Variants in FAM117A observed in about 807,000 individuals in gnomAD.
FAM117A encodes the protein protein FAM117A.
In FAM117A, 21 loss-of-function variants were observed where a neutral mutation model predicts 44.1. That is an observed-to-expected ratio of 0.48 (90% CI 0.34 to 0.69). The LOEUF is 0.69. Ranked by LOEUF, FAM117A falls within the 30% of genes least tolerant of loss-of-function variation. The pLI is 0.01. For missense variants in FAM117A, 498 were observed against 589.9 expected (o/e 0.84, Z 1.61); for synonymous variants, 220 against 238.3 (o/e 0.92, Z 0.71).
At chr17:49,742,233 C>A (rs2073637423) in intron 1 of FAM117A, among the ~76,000 whole-genome samples, 1 of 152,104 alleles carries the variant, frequency 6.6e-6, no homozygotes, top group Non-Finnish European at 1.5e-5. Context: ...TAAGTGAGAG[C>A]CACTGAAAGC....
intron 7 of FAM117A, among the ~76,000 whole-genome samples, chr17:49,713,428 C>CTT (rs1368041690): frequency 6.6e-6 from 1 of 152,178 alleles, no homozygotes; most frequent in Non-Finnish European, 1.5e-5. Context: ...CACCAATCAC[C>CTT]TTTTTCTTTT....
upstream of FAM117A, chr17:49,764,133 GCCCCCCAA>G: frequency 1.0e-6 from 1 of 1,002,790 alleles, no homozygotes; most frequent in Non-Finnish European, 1.3e-6. Context: ...GACTCACACA[GCCCCCCAA>G]CCCCCGAGGC....
rs116657589 is a variant in FAM117A, at chr17:49,719,768, G to A, written c.700C>T (p.Leu234=). The A allele has an allele frequency of 3.2e-6, 5 of 1,583,088 alleles. No homozygotes were observed. The East Asian group carries it at 1.2e-4, about 37-fold the overall frequency. ...VFVKEQGEEE[L]LRILDIPDGH... Reference sequence around the variant, plus strand: ...GTGCAGCCGCCACTCACCCTCAGCAGCTCCTCTTCTCCCTGCTCCTTCACA... The same window carrying A: ...GTGCAGCCGCCACTCACCCTCAGCAACTCCTCTTCTCCCTGCTCCTTCACA... Residue 234 remains leucine, a synonymous_variant, in exon 5 of 8, where the codon CTG becomes TTG. Transcript: ENST00000240364.
chr17:49,764,429 A>G (rs2073738044), upstream of FAM117A, among the ~76,000 whole-genome samples: 2 of 152,046 alleles, frequency 1.3e-5, no homozygotes, highest in Admixed American at 1.3e-4. Context: ...GGGGAGCGTC[A>G]CACCCAGTCC....
chr17:49,736,240 C>T (rs183705985), intron 1 of FAM117A, among the ~76,000 whole-genome samples: 45 of 151,906 alleles, frequency 3.0e-4, no homozygotes, highest in African/African-American at 9.2e-4. Flanking sequence ...CTAGGTTAAA[C>T]CTCTTCAAAG....
At chr17:49,719,698 C>G in intron 5 of FAM117A, 62 bp downstream of exon 5, 1 of 1,479,922 alleles carries the variant, frequency 6.8e-7, no homozygotes, top group Non-Finnish European at 8.9e-7. Context: ...CTCCCAGTTC[C>G]CCTCGCCCAG....
At chr17:49,768,129 A>G (rs1015987791), upstream of FAM117A, among the ~76,000 whole-genome samples, 15 of 152,110 alleles carry the variant, frequency 9.9e-5, no homozygotes, top group East Asian at 7.7e-4. Flanking sequence ...AGCAGTCCCT[A>G]TGAGGTTTCA....
chr17:49,717,779 C>G, intron 5 of FAM117A, 65 bp from the exon 6 acceptor site: 1 of 1,341,958 alleles, frequency 7.5e-7, no homozygotes, highest in Non-Finnish European at 1.0e-6. Context: ...AGCACAGTGA[C>G]CCCAAGGGTA....
chr17:49,778,464 T>C (rs2073780975), intron 1 of FAM117A, among the ~76,000 whole-genome samples: 2 of 152,372 alleles, frequency 1.3e-5, no homozygotes, highest in Non-Finnish European at 2.9e-5. Context: ...TGGATCATGA[T>C]TTCAGCCTCT....
At chr17:49,768,692 G>C (rs536857562), upstream of FAM117A, among the ~76,000 whole-genome samples, 3 of 152,238 alleles carry the variant, frequency 2.0e-5, no homozygotes, top group East Asian at 3.9e-4. Flanking sequence ...AAGGAGGGTT[G>C]AGGGAATGAA....
rs1209407289 is a variant in FAM117A at position 49,744,774 on chromosome 17, G to A, written c.197-12054C>T. Among the ~76,000 whole-genome samples, 4 of 151,684 alleles carry A rather than the reference G, an allele frequency of 2.6e-5. No individual in the cohort carries two copies. In the East Asian group the frequency reaches 7.8e-4, roughly 30 times the overall value. On this transcript the variant is annotated intron_variant, in intron 1 of 7. Coordinates refer to ENST00000240364, the MANE Select transcript of FAM117A (RefSeq NM_030802.4). ...CACACCTGTCATCCCAGCACTTTGGGAGACTGGGGCAGGAGGATCACTTGA... is the reference window on the plus strand; with the variant it reads ...CACACCTGTCATCCCAGCACTTTGGAAGACTGGGGCAGGAGGATCACTTGA...
At chr17:49,733,006 TA>T in intron 1 of FAM117A, 1 of 342,614 alleles carries the variant, frequency 2.9e-6, no homozygotes, top group Non-Finnish European at 5.5e-6. Context: ...CCTAATGGAC[TA>T]TGAACCGTGA....
chr17:49,785,318 T>G (rs2073802442), intron 1 of FAM117A, among the ~76,000 whole-genome samples: 1 of 152,116 alleles, frequency 6.6e-6, no homozygotes, highest in Non-Finnish European at 1.5e-5. Context: ...TCGAGACTAG[T>G]CTGGGCAATG....
At chr17:49,784,436 T>TA (rs2073799282) in intron 1 of FAM117A, among the ~76,000 whole-genome samples, 1 of 152,258 alleles carries the variant, frequency 6.6e-6, no homozygotes, top group African/African-American at 2.4e-5. Context: ...CTCCTCTGCT[T>TA]AAGGACTTTC....
intron 1 of FAM117A, chr17:49,747,210 C>T (rs2073657529): frequency 6.6e-6 from 1 of 151,954 alleles, no homozygotes; most frequent in Non-Finnish European, 1.5e-5. Context: ...GTGTTGTGGG[C>T]TCCCAGATGA....
chr17:49,722,433 T>TTGCATG, intron 3 of FAM117A, 66 bp downstream of exon 3: 5 of 1,311,696 alleles, frequency 3.8e-6, no homozygotes, highest in Non-Finnish European at 5.4e-6. Context: ...AGCAGATGCA[T>TTGCATG]TGCATGGTAC....
chr17:49,775,986 T>C (rs2073774566), intron 1 of FAM117A, among the ~76,000 whole-genome samples: 1 of 152,160 alleles, frequency 6.6e-6, no homozygotes, highest in Non-Finnish European at 1.5e-5. Flanking sequence ...CCTGAACCAA[T>C]GGTGGGTTTG....
At chr17:49,715,067 A>C (rs185744840) in intron 7 of FAM117A, among the ~76,000 whole-genome samples, 3 of 152,100 alleles carry the variant, frequency 2.0e-5, no homozygotes, top group African/African-American at 7.2e-5. Flanking sequence ...ATTTCCACCC[A>C]CATTTCCAGG....
rs549892611 is a variant in FAM117A at position 49,756,959 on chromosome 17, C to T, written c.196+6933G>A. On this transcript the variant is annotated intron_variant, in intron 1 of 7. Transcript: ENST00000240364. ...AGAGAGAGAGAAAGAGGAGGCACCC[C>T]AAACCTACAGCTTTGTTCTGTCAAA... Among the ~76,000 whole-genome samples the T allele has an allele frequency of 1.9e-3, 294 of 151,698 alleles. 1 individual carries two copies. The highest frequency in any genetic ancestry group is 6.8e-3 in the Middle Eastern group (2 of 292).
Sources: allele counts gnomAD v4.1 joint callset (sites outside exome capture counted in the v4.1 genomes callset), GRCh38; gene constraint gnomAD v4.1.1; transcripts MANE v1.5; gene names NCBI Gene and HGNC (gene_info 2026-07-23, HGNC 2026-07-21).